Variants in NECAP2 observed in about 807,000 individuals in gnomAD.
The protein encoded by NECAP2 is adaptin ear-binding coat-associated protein 2.
A neutral mutation model predicts 37.8 loss-of-function variants in NECAP2; 38 were observed. The ratio of observed to expected loss-of-function variants is 1.01; its 90% CI spans 0.78 to 1.32. The LOEUF is 1.32. NECAP2 is among the 40% of genes most tolerant of loss of function. The pLI, the probability that NECAP2 is intolerant of heterozygous loss-of-function variation, is 0.00. For missense variants in NECAP2, 316 were observed against 334.5 expected, an observed-to-expected ratio of 0.94 and a Z score of 0.43; for synonymous variants, 121 against 127.7, an observed-to-expected ratio of 0.95 and a Z score of 0.35.
At chr1:16,455,674 T>C (rs2086906106) in intron 6 of NECAP2, 144 bp from the exon 7 acceptor site, 1 of 655,094 alleles carries the variant, frequency 1.5e-6, no homozygotes, top group Non-Finnish European at 2.8e-6. Flanking sequence ...CCCAAAAGCA[T>C]GTCTGGTGTG....
intron 5 of NECAP2, chr1:16,450,253 T>G (rs767437549): frequency 2.3e-5 from 9 of 394,270 alleles, no homozygotes; most frequent in South Asian, 1.1e-4. Flanking sequence ...TAGTGGTTTT[T>G]TTTTGTTTTG....
In NECAP2 at chr1:16,459,900, G is replaced by C. The variant is rs1417033555; in HGVS notation, c.*1010G>C. ...GGAGCTCAGTAAACTAGAAGTCCAGGGTTGCTTGGTTTACTGGTTTATAAG... is the reference window on the plus strand; with the variant it reads ...GGAGCTCAGTAAACTAGAAGTCCAGCGTTGCTTGGTTTACTGGTTTATAAG... On this transcript the variant is annotated 3_prime_UTR_variant, in exon 8 of 8. Coordinates refer to ENST00000337132, the MANE Select transcript of NECAP2 (RefSeq NM_018090.5). 6.6e-6 allele frequency: 1 copy of C among 152,120 alleles called. No homozygotes were observed. Among genetic ancestry groups the C allele is most frequent in the South Asian group, 2.1e-4 (1 of 4,828 alleles). The allele number at this position is 152,120 out of a possible 1,614,324, so 9.4% of individuals were successfully genotyped here.
intron 4 of NECAP2, chr1:16,448,388 C>G (rs1248218572): frequency 1.8e-6 from 1 of 547,650 alleles, no homozygotes; most frequent in African/African-American, 1.9e-5. Flanking sequence ...CCTTACCAGT[C>G]CCCTGAGCAG....
At chr1:16,449,613 C>G (rs1250093642) in intron 5 of NECAP2, 1 of 182,672 alleles carries the variant, frequency 5.5e-6, no homozygotes, top group African/African-American at 2.4e-5. Flanking sequence ...GAAGGAGCAT[C>G]AGTCATTTGC....
chr1:16,452,118 C>T lies in NECAP2; in HGVS notation c.667+103C>T, dbSNP rs368769235. 53 of 1,155,026 alleles carry T rather than the reference C, an allele frequency of 4.6e-5. 2 individuals carry two copies. In the East Asian group the frequency reaches 6.4e-4, roughly 14 times the overall value. 71.5% of individuals were successfully genotyped at this position (1,155,026 alleles called of 1,614,324 possible). A position where few individuals can be genotyped will look rare whatever the true frequency, so the allele number is the denominator to read the frequency against. The stretch of plus-strand genomic sequence containing the variant: ...CCCCCCGTTACACACATGGATTGGT[C>T]ATGTAGTACCTGTCCGTGTCAAAGA... On this transcript the variant is annotated intron_variant, in intron 6 of 7. Transcript: ENST00000337132.
At chr1:16,450,426 C>T in intron 5 of NECAP2, 2 of 247,842 alleles carry the variant, frequency 8.1e-6, no homozygotes, top group Non-Finnish European at 1.6e-5. Context: ...CAGCTGTGCT[C>T]ACACTGAGGT....
Position 16,451,947 on chromosome 1 carries a change from T to A in NECAP2, c.599T>A (p.Ile200Asn). 1 of 1,613,222 alleles carries A rather than the reference T, an allele frequency of 6.2e-7. No homozygotes were observed. Among genetic ancestry groups the A allele is most frequent in the African/African-American group, 1.3e-5 (1 of 75,012 alleles). Residue 200 changes from isoleucine to asparagine, a missense_variant, in exon 6 of 8, where the codon ATC (isoleucine) becomes AAC (asparagine). Physicochemically the swap from Ile to Asn is moderately radical, Grantham distance 149. Around this residue, in one of 3 missense-constraint regions of NECAP2, gnomAD observed 204 missense variants for 188.6 expected, o/e 1.08. Coordinates refer to ENST00000337132, the MANE Select transcript of NECAP2 (RefSeq NM_018090.5). ...PPPGGKTSTLIPPPGEQLAVG... is the reference protein window; with the variant it reads ...PPPGGKTSTLNPPPGEQLAVG... Reference sequence around the variant, plus strand: ...CCAGGGGGGAAAACCTCCACCCTGATCCCTCCCCCTGGGGAGCAGTTGGCT... The same window carrying A: ...CCAGGGGGGAAAACCTCCACCCTGAACCCTCCCCCTGGGGAGCAGTTGGCT...
At position 16,449,151 on chromosome 1, in the gene NECAP2, A is replaced by G; in HGVS notation, c.439A>G (p.Lys147Glu). 6.2e-7 allele frequency: 1 copy of G among 1,613,526 alleles called. No homozygotes were observed. Among genetic ancestry groups the G allele is most frequent in the East Asian group, 2.2e-5 (1 of 44,878 alleles). The change falls in exon 5 of 8, where the codon AAA becomes GAA. Residue 147 changes from lysine to glutamate, a missense_variant. Physicochemically the swap from Lys to Glu is moderately conservative, Grantham distance 56. Around this residue, in one of 3 missense-constraint regions of NECAP2, gnomAD observed 204 missense variants for 188.6 expected, o/e 1.08. Transcript: ENST00000337132. ...KQAQNPDQGP[K>E]LDLGFKEGQT... ...AGCCCAGAACCCAGACCAAGGCCCT[A>G]AACTGGACCTGGGCTTCAAGGAGGG...
intron 2 of NECAP2, among the ~76,000 whole-genome samples, chr1:16,446,496 C>T (rs1003838845): frequency 3.3e-5 from 5 of 151,738 alleles, no homozygotes; most frequent in African/African-American, 1.2e-4. Context: ...GAGTTCGAGG[C>T]TGCAGTGAGC....
rs545080979 is a variant in NECAP2 at position 16,440,991 on chromosome 1, T to G, written c.92+138T>G. On this transcript the variant is annotated intron_variant, in intron 1 of 7. Coordinates refer to ENST00000337132, the MANE Select transcript of NECAP2 (RefSeq NM_018090.5). Reference sequence around the variant, plus strand: ...AGCTAATGCTGCTGCTTCTTCCAGTTCCAGGCCCGAGCAGGGAGGTGGATC... The same window carrying G: ...AGCTAATGCTGCTGCTTCTTCCAGTGCCAGGCCCGAGCAGGGAGGTGGATC... 5.8e-6 allele frequency: 4 copies of G among 684,736 alleles called. No homozygotes were observed. In the South Asian group the frequency reaches 7.1e-5, roughly 12 times the overall value. 42.4% of individuals were successfully genotyped at this position (684,736 alleles called of 1,614,324 possible).
At chr1:16,444,725 G>A (rs2086735565) in intron 2 of NECAP2, among the ~76,000 whole-genome samples, 1 of 152,206 alleles carries the variant, frequency 6.6e-6, no homozygotes, top group African/African-American at 2.4e-5. Context: ...CCAGACCAGA[G>A]ACTTTAAGCT....
intron 6 of NECAP2, among the ~76,000 whole-genome samples, chr1:16,455,315 C>T (rs988256738): frequency 6.6e-6 from 1 of 152,212 alleles, no homozygotes; most frequent in African/African-American, 2.4e-5. Context: ...TTCCTGACCC[C>T]TAACCAGTTT....
At chr1:16,448,337 C>T (rs1026918815) in intron 4 of NECAP2, 196 bp downstream of exon 4, 24 of 617,394 alleles carry the variant, frequency 3.9e-5, no homozygotes, top group African/African-American at 2.8e-4. Flanking sequence ...ACCTGAGGCT[C>T]ATCTCTACCA....
At chr1:16,449,359 T>A (rs1205641842) in intron 5 of NECAP2, 158 bp downstream of exon 5, 10 of 590,002 alleles carry the variant, frequency 1.7e-5, no homozygotes, top group Non-Finnish European at 3.0e-5. Context: ...ACAAGAGACC[T>A]CTGTTCTCAT....
Position 16,449,042 on chromosome 1 carries a change from G to T in NECAP2, c.381-51G>T, listed in dbSNP as rs746814621. The T allele has an allele frequency of 2.7e-5, 33 of 1,242,270 alleles. No homozygotes were observed. In the South Asian group the frequency reaches 4.2e-4, roughly 16 times the overall value. 77.0% of individuals were successfully genotyped at this position (1,242,270 alleles called of 1,614,324 possible). On this transcript the variant is annotated intron_variant, in intron 4 of 7. Transcript: ENST00000337132. Reference sequence around the variant, plus strand: ...GTAGTGAAGTGAGCCAGTGATTGCAGGGCAGCTGGTCTCTTCCTTCCTCAC... The same window carrying T: ...GTAGTGAAGTGAGCCAGTGATTGCATGGCAGCTGGTCTCTTCCTTCCTCAC...
chr1:16,441,092 T>C, intron 1 of NECAP2: 1 of 520,686 alleles, frequency 1.9e-6, no homozygotes, highest in Non-Finnish European at 3.5e-6. Context: ...ATCTAGCGCT[T>C]AGGGACCCCG....
At position 16,451,955 on chromosome 1, in the gene NECAP2, C is replaced by G. The variant is rs776233410; in HGVS notation, c.607C>G (p.Pro203Ala). The G allele has an allele frequency of 1.6e-5, 26 of 1,612,438 alleles. No homozygotes were observed. The South Asian group carries it at 1.9e-4, about 12-fold the overall frequency. The change falls in exon 6 of 8, where the codon CCT becomes GCT. Residue 203 changes from proline (P) to alanine (A), a missense_variant. Coordinates refer to ENST00000337132, the MANE Select transcript of NECAP2 (RefSeq NM_018090.5). ...GAAAACCTCCACCCTGATCCCTCCC[C>G]CTGGGGAGCAGTTGGCTGTGGGGGG... ...GGKTSTLIPP[P>A]GEQLAVGGSL... is the part of the protein sequence containing the mutation.
chr1:16,447,313 G>GCAT (rs1553169175), intron 2 of NECAP2, among the ~76,000 whole-genome samples: 1 of 152,170 alleles, frequency 6.6e-6, no homozygotes, highest in African/African-American at 2.4e-5. Flanking sequence ...TTTCACAAGG[G>GCAT]CTTTTAAAGC....
intron 4 of NECAP2, among the ~76,000 whole-genome samples, chr1:16,448,699 C>G (rs2086798739): frequency 1.3e-5 from 2 of 152,078 alleles, no homozygotes; most frequent in South Asian, 4.2e-4. Flanking sequence ...CTGTCTTGTC[C>G]CCCCGTCTGC....
Sources: gnomAD v4.1 joint callset for allele counts (sites outside exome capture counted in the v4.1 genomes callset) on GRCh38, gnomAD v4.1.1 for gene constraint, gnomAD v4.1.1 regional missense constraint, MANE v1.5 for transcripts, NCBI Gene and HGNC (gene_info 2026-07-23, HGNC 2026-07-21) for gene names.